PLK3: variants seen among roughly 807,000 people sequenced by gnomAD.
PLK3 encodes the protein serine/threonine-protein kinase PLK3.
A neutral mutation model predicts 71.6 loss-of-function variants in PLK3; 41 were observed. The ratio of observed to expected loss-of-function variants is 0.57; its 90% CI spans 0.45 to 0.74. The LOEUF (loss-of-function observed/expected upper bound fraction) is 0.74. PLK3 is among the 30% of genes least tolerant of loss of function. The pLI, the probability that PLK3 is intolerant of heterozygous loss-of-function variation, is 0.00. For synonymous variants in PLK3, 366 were observed against 355.4 expected, an observed-to-expected ratio of 1.03 and a Z score of -0.33; for missense variants, 791 against 875.6, an observed-to-expected ratio of 0.90 and a Z score of 1.22.
In PLK3 at chr1:44,805,969, G is replaced by A. The variant is rs780134187; in HGVS notation, c.*291G>A. 8 of 1,518,488 alleles carry A rather than the reference G, an allele frequency of 5.3e-6. No individual in the cohort carries two copies. Among genetic ancestry groups the A allele is most frequent in the Non-Finnish European group, 7.1e-6 (8 of 1,132,506 alleles). 94.1% of individuals were successfully genotyped at this position (1,518,488 alleles called of 1,614,324 possible). The stretch of plus-strand genomic sequence containing the variant: ...GAGCCCCAGGGGGGCCTCCTCCTAG[G>A]ATAATAAACAATTTTGCAGAATTGG... On this transcript the variant is annotated 3_prime_UTR_variant, in exon 15 of 15. Transcript: ENST00000372201.
In PLK3 at chr1:44,800,824, T is replaced by A; in HGVS notation, c.211-16T>A. 6.2e-7 allele frequency: 1 copy of A among 1,601,936 alleles called. No homozygotes were observed. The highest frequency in any genetic ancestry group is 1.1e-5 in the South Asian group (1 of 90,190). On this transcript the variant is annotated splice_polypyrimidine_tract_variant and intron_variant, in intron 1 of 14. Coordinates refer to ENST00000372201, the MANE Select transcript of PLK3 (RefSeq NM_004073.4). The surrounding 1 kb of genome is among the most constrained non-coding windows in gnomAD (Gnocchi z 6.5). The stretch of plus-strand genomic sequence containing the variant: ...GGCCCCCCTGGAACAACCAGCCTGA[T>A]GCCCCCTCTTCACAGGGGGGCTTCG...
chr1:44,803,966 G>A lies in PLK3; in HGVS notation c.1200G>A (p.Leu400=), dbSNP rs1425445414. 1 of 1,552,574 alleles carries A rather than the reference G, an allele frequency of 6.4e-7. No homozygotes were observed. Among genetic ancestry groups the A allele is most frequent in the Admixed American group, 2.0e-5 (1 of 51,070 alleles). ...PAASGPAPVS[L]VETAPEDSSP... ...CTTCTGGCCCAGCCCCTGTCAGCCT[G>A]GTAGAGACAGCACCTGAAGACAGCT... Residue 400 remains leucine, a synonymous_variant, in exon 10 of 15, where the codon CTG becomes CTA. Coordinates refer to ENST00000372201, the MANE Select transcript of PLK3 (RefSeq NM_004073.4). The surrounding 1 kb of genome is among the most constrained non-coding windows in gnomAD (Gnocchi z 4.3).
At chr1:44,801,795 GAGGGAGGGAGGA>G in intron 4 of PLK3, 38 bp from the exon 5 acceptor site, 1 of 1,278,284 alleles carries the variant, frequency 7.8e-7, no homozygotes, top group Non-Finnish European at 1.1e-6. Flanking sequence ...GGGAGGGAGG[GAGGGAGGGAGGA>G]AGGAAAGAAT....
chr1:44,803,857 C>T lies in PLK3; in HGVS notation c.1165-74C>T. 8.0e-7 allele frequency: 1 copy of T among 1,246,942 alleles called. No individual in the cohort carries two copies. The highest frequency in any genetic ancestry group is 1.1e-6 in the Non-Finnish European group (1 of 874,594). The allele number at this position is 1,246,942 out of a possible 1,614,324, so 77.2% of individuals were successfully genotyped here. A position where few individuals can be genotyped will look rare whatever the true frequency, so the allele number is the denominator to read the frequency against. On this transcript the variant is annotated intron_variant, in intron 9 of 14. Transcript: ENST00000372201. The surrounding 1 kb of genome is among the most constrained non-coding windows in gnomAD (Gnocchi z 4.3). ...ACCTGGGGTGCCCTGGGAGCCAGGG[C>T]AGGGCCAGGCCATGGACTCAAGGGT...
rs17855444 is a variant in PLK3, at chr1:44,804,467, G to T, written c.1471G>T (p.Asp491Tyr). 2 of 1,614,178 alleles carry T rather than the reference G, an allele frequency of 1.2e-6. No homozygotes were observed. Residue 491 changes from aspartate (D) to tyrosine (Y), a missense_variant, in exon 12 of 15, where the codon GAT (aspartate) becomes TAT (tyrosine). Transcript: ENST00000372201. ...SSRRVAVLFNDGTHMALSANR... is the reference protein window; with the variant it reads ...SSRRVAVLFNYGTHMALSANR... ...CCGCCGTGTGGCTGTGCTCTTCAAC[G>T]ATGGCACACATATGGCCCTGTCGGC...
Position 44,803,789 on chromosome 1 carries a change from G to A in PLK3, c.1164+98G>A, listed in dbSNP as rs1434327261. 1.3e-5 allele frequency: 15 copies of A among 1,166,868 alleles called. No individual in the cohort carries two copies. The highest frequency in any genetic ancestry group is 6.1e-5 in the African/African-American group (4 of 65,640). The allele number at this position is 1,166,868 out of a possible 1,614,324, so 72.3% of individuals were successfully genotyped here. A position where few individuals can be genotyped will look rare whatever the true frequency, so the allele number is the denominator to read the frequency against. ...AGAGGCTGCTGAAGCATCCAGCCTC[G>A]TGGTGGCCTAATTGGCTGTGTGTCA... On this transcript the variant is annotated intron_variant, in intron 9 of 14. Transcript: ENST00000372201. This position sits in a 1 kb window ranked among gnomAD's most constrained non-coding sequence, Gnocchi z 4.3.
Position 44,804,213 on chromosome 1 carries a change from G to C in PLK3, c.1309G>C (p.Ala437Pro), listed in dbSNP as rs1437391313. ...VATVVESALC[A>P]LRNCIAFMPP... ...CACAGTAGTGGAGTCAGCCCTTTGT[G>C]CTCTGAGAAATTGTATAGCCTTCAT... is the stretch of plus-strand genomic sequence containing the variant. Residue 437 changes from alanine (A) to proline (P), a missense_variant, in exon 11 of 15, where the codon GCT becomes CCT. Transcript: ENST00000372201. 4 of 1,613,984 alleles carry C rather than the reference G, an allele frequency of 2.5e-6. No homozygotes were observed. The highest frequency in any genetic ancestry group is 3.4e-6 in the Non-Finnish European group (4 of 1,179,874).
In PLK3 at chr1:44,804,193, T is replaced by C. The variant is rs1449040876; in HGVS notation, c.1289T>C (p.Val430Ala). 1.2e-6 allele frequency: 2 copies of C among 1,613,768 alleles called. No individual in the cohort carries two copies. The highest frequency in any genetic ancestry group is 1.7e-6 in the Non-Finnish European group (2 of 1,179,692). Residue 430 changes from valine to alanine, a missense_variant, in exon 11 of 15, where the codon GTA (valine) becomes GCA (alanine). Transcript: ENST00000372201. Reference sequence around the variant, plus strand: ...GAAGAAGGTCTGACTGTGGCCACAGTAGTGGAGTCAGCCCTTTGTGCTCTG... The same window carrying C: ...GAAGAAGGTCTGACTGTGGCCACAGCAGTGGAGTCAGCCCTTTGTGCTCTG... The part of the protein sequence containing the change: ...GFEEGLTVAT[V>A]VESALCALRN...
intron 13 of PLK3, chr1:44,805,003 G>A: frequency 1.7e-6 from 1 of 583,810 alleles, no homozygotes; most frequent in Middle Eastern, 4.6e-4. Flanking sequence ...TACTCGGGAG[G>A]CTGAGGCAGG....
Position 44,800,765 on chromosome 1 carries a change from AC to A in PLK3, c.211-70del. On this transcript the variant is annotated intron_variant, in intron 1 of 14. Transcript: ENST00000372201. The surrounding 1 kb of genome is among the most constrained non-coding windows in gnomAD (Gnocchi z 6.5). ...GCGCCGAGCAGGGCGTGGGCACTTG[AC>A]CCCCAACGCGGGGACGCCCGCGGGC... 1.3e-5 allele frequency: 20 copies of A among 1,544,188 alleles called. No individual in the cohort carries two copies. Among genetic ancestry groups the A allele is most frequent in the Non-Finnish European group, 1.7e-5 (20 of 1,145,284 alleles).
At position 44,800,763 on chromosome 1, in the gene PLK3, T is replaced by A; in HGVS notation, c.211-77T>A. 1.9e-6 allele frequency: 3 copies of A among 1,544,464 alleles called. No homozygotes were observed. Among genetic ancestry groups the A allele is most frequent in the Non-Finnish European group, 2.6e-6 (3 of 1,145,378 alleles). Reference sequence around the variant, plus strand: ...TGGCGCCGAGCAGGGCGTGGGCACTTGACCCCCAACGCGGGGACGCCCGCG... The same window carrying A: ...TGGCGCCGAGCAGGGCGTGGGCACTAGACCCCCAACGCGGGGACGCCCGCG... On this transcript the variant is annotated intron_variant, in intron 1 of 14. Transcript: ENST00000372201. The surrounding 1 kb of genome is among the most constrained non-coding windows in gnomAD (Gnocchi z 6.5).
Position 44,803,551 on chromosome 1 carries a change from T to C in PLK3, c.1073-49T>C. The C allele has an allele frequency of 6.3e-7, 1 of 1,583,578 alleles. No individual in the cohort carries two copies. ...ATCTCTGTGTCATCCCTGTCGGAAG[T>C]GGAGGGGCTGGGCAGGATACTGAGG... On this transcript the variant is annotated intron_variant, in intron 8 of 14. Coordinates refer to ENST00000372201, the MANE Select transcript of PLK3 (RefSeq NM_004073.4). The surrounding 1 kb of genome is among the most constrained non-coding windows in gnomAD (Gnocchi z 4.3).
rs747297657 is a variant in PLK3 at position 44,801,108 on chromosome 1, G to A, written c.391G>A (p.Asp131Asn). 7.4e-6 allele frequency: 12 copies of A among 1,613,764 alleles called. No homozygotes were observed. In the South Asian group the frequency reaches 1.1e-4, roughly 15 times the overall value. The change falls in exon 3 of 15, where the codon GAC becomes AAC. Residue 131 changes from aspartate (D) to asparagine (N), a missense_variant. Coordinates refer to ENST00000372201, the MANE Select transcript of PLK3 (RefSeq NM_004073.4). The stretch of plus-strand genomic sequence containing the variant: ...CGTGCGTTTTTCGCACCACTTTGAG[G>A]ACGCTGACAACATCTACATTTTCTT... Reference protein sequence around the residue: ...HIVRFSHHFEDADNIYIFLEL... With the variant: ...HIVRFSHHFENADNIYIFLEL...
rs777160191 is a variant in PLK3 at position 44,804,521 on chromosome 1, G to A, written c.1505+20G>A. 1.2e-6 allele frequency: 2 copies of A among 1,613,194 alleles called. No homozygotes were observed. Among genetic ancestry groups the A allele is most frequent in the South Asian group, 2.2e-5 (2 of 91,038 alleles). On this transcript the variant is annotated intron_variant, in intron 12 of 14. Coordinates refer to ENST00000372201, the MANE Select transcript of PLK3 (RefSeq NM_004073.4). Reference sequence around the variant, plus strand: ...CAGAAAGTAAGTGCTGTTATGGGGTGCCTTGTATTCAGGCCACTAATCCAG... The same window carrying A: ...CAGAAAGTAAGTGCTGTTATGGGGTACCTTGTATTCAGGCCACTAATCCAG...
chr1:44,801,749 T>C lies in PLK3; in HGVS notation c.563T>C (p.Leu188Ser). 1.5e-6 allele frequency: 2 copies of C among 1,302,280 alleles called. No individual in the cohort carries two copies. The allele number at this position is 1,302,280 out of a possible 1,614,324, so 80.7% of individuals were successfully genotyped here. ...QRGILHRDLK[L>S]GNFFITENME... ...GGCATCTTGCACCGGGACCTCAAGT[T>C]GGGTGAGACTCCTGAGCCTGGAGGA... The change falls in exon 4 of 15, where the codon TTG (leucine) becomes TCG (serine). Residue 188 changes from leucine to serine, a missense_variant and splice_region_variant. Transcript: ENST00000372201.
rs1219317117 is a variant in PLK3, at chr1:44,803,839, G to T, written c.1165-92G>T. 2 of 1,152,484 alleles carry T rather than the reference G, an allele frequency of 1.7e-6. No homozygotes were observed. The highest frequency in any genetic ancestry group is 3.1e-5 in the African/African-American group (2 of 65,382). 71.4% of individuals were successfully genotyped at this position (1,152,484 alleles called of 1,614,324 possible). A position where few individuals can be genotyped will look rare whatever the true frequency, so the allele number is the denominator to read the frequency against. ...ACCAGCCTGGCGGGGCTGACCTGGG[G>T]TGCCCTGGGAGCCAGGGCAGGGCCA... On this transcript the variant is annotated intron_variant, in intron 9 of 14. Transcript: ENST00000372201. This position sits in a 1 kb window ranked among gnomAD's most constrained non-coding sequence, Gnocchi z 4.3.
At position 44,803,724 on chromosome 1, in the gene PLK3, C is replaced by T; in HGVS notation, c.1164+33C>T. 1.3e-6 allele frequency: 2 copies of T among 1,485,982 alleles called. No individual in the cohort carries two copies. Among genetic ancestry groups the T allele is most frequent in the South Asian group, 1.2e-5 (1 of 86,630 alleles). 92.0% of individuals were successfully genotyped at this position (1,485,982 alleles called of 1,614,324 possible). ...GCTCAGGTGGACACTGTTCCCCTGA[C>T]TCACCCCCACCCTAGCAGCTGAGGG... On this transcript the variant is annotated intron_variant, in intron 9 of 14. Transcript: ENST00000372201. The surrounding 1 kb of genome is among the most constrained non-coding windows in gnomAD (Gnocchi z 4.3).
rs777185334 is a variant in PLK3, at chr1:44,805,704, TGTGC to T, written c.*27_*30del. On this transcript the variant is annotated 3_prime_UTR_variant, in exon 15 of 15. Coordinates refer to ENST00000372201, the MANE Select transcript of PLK3 (RefSeq NM_004073.4). ...GACCCAAGCCCTGAGGCCTGAGGCCTGTGCCTGTCAGGCTCTGGCCCTTGCCTTT... is the reference window on the plus strand; with the variant it reads ...GACCCAAGCCCTGAGGCCTGAGGCCTCTGTCAGGCTCTGGCCCTTGCCTTT... The T allele has an allele frequency of 6.3e-7, 1 of 1,599,750 alleles. No individual in the cohort carries two copies. The highest frequency in any genetic ancestry group is 1.1e-5 in the South Asian group (1 of 90,858).
In PLK3 at chr1:44,802,785, G is replaced by A. The variant is rs1423456331; in HGVS notation, c.679G>A (p.Val227Met). The A allele has an allele frequency of 5.6e-6, 9 of 1,613,524 alleles. No individual in the cohort carries two copies. The highest frequency in any genetic ancestry group is 6.8e-6 in the Non-Finnish European group (8 of 1,179,870). Residue 227 changes from valine to methionine, a missense_variant, in exon 6 of 15, where the codon GTG (valine) becomes ATG (methionine). Physicochemically the swap from Val to Met is conservative, Grantham distance 21 (BLOSUM62 1). Coordinates refer to ENST00000372201, the MANE Select transcript of PLK3 (RefSeq NM_004073.4). ...KKTICGTPNY[V>M]APEVLLRQGH... is the part of the protein sequence containing the mutation. ...GACCATCTGTGGCACCCCCAACTAT[G>A]TGGCTCCAGAAGTGCTGCTGAGACA...
Sources: allele counts gnomAD v4.1 joint callset, GRCh38; gene constraint gnomAD v4.1.1; non-coding constraint Gnocchi (gnomAD v3.1); transcripts MANE v1.5; gene names NCBI Gene and HGNC (gene_info 2026-07-23, HGNC 2026-07-21).